SEL1L3: variants seen among roughly 807,000 people sequenced by gnomAD.
The protein encoded by SEL1L3 is SEL1L family member 3, also known as protein sel-1 homolog 3.
SEL1L3 carries 76 observed loss-of-function variants against 142.8 expected under a neutral mutation model. The observed-to-expected ratio is 0.53, with a 90% confidence interval of 0.44 to 0.64. SEL1L3 has a LOEUF of 0.64. SEL1L3 is among the 30% of genes least tolerant of loss of function. The probability of loss-of-function intolerance (pLI) is 0.00; values close to 1 mark genes in which losing one functional copy is unlikely to be tolerated. For missense variants in SEL1L3, 1,262 were observed against 1,381.7 expected (o/e 0.91, Z 1.37); for synonymous variants, 504 against 519.6 (o/e 0.97, Z 0.41).
intron 6 of SEL1L3, among the ~76,000 whole-genome samples, chr4:25,823,856 G>A (rs1360155628): frequency 6.6e-6 from 1 of 152,132 alleles, no homozygotes; most frequent in African/African-American, 2.4e-5. Context: ...AGGCAACCCA[G>A]GGTTATTTCA....
chr4:25,855,964 C>G (rs747281068), intron 1 of SEL1L3, among the ~76,000 whole-genome samples: 4 of 152,142 alleles, frequency 2.6e-5, no homozygotes, highest in Non-Finnish European at 5.9e-5. Context: ...GAGCCCTTAC[C>G]CTTTGGCACC....
intron 11 of SEL1L3, among the ~76,000 whole-genome samples, chr4:25,800,356 G>A (rs1395467709): frequency 2.6e-5 from 4 of 152,228 alleles, no homozygotes; most frequent in Non-Finnish European, 4.4e-5. Context: ...TCTTCTAACT[G>A]TATAATTCCT....
intron 17 of SEL1L3, among the ~76,000 whole-genome samples, chr4:25,769,715 G>A (rs550942694): frequency 3.9e-4 from 59 of 152,256 alleles, no homozygotes; most frequent in African/African-American, 1.3e-3. Context: ...TTTCCACCAG[G>A]GATTGATGAG....
chr4:25,821,755 A>G (rs1714775826), intron 7 of SEL1L3, among the ~76,000 whole-genome samples: 1 of 152,276 alleles, frequency 6.6e-6, no homozygotes. Context: ...TAATTAAACT[A>G]GTAGTTATTA....
At chr4:25,834,787 T>C (rs1715686077) in intron 3 of SEL1L3, among the ~76,000 whole-genome samples, 1 of 152,122 alleles carries the variant, frequency 6.6e-6, no homozygotes, top group African/African-American at 2.4e-5. Context: ...AAAATACATA[T>C]ATCTGGGTCT....
chr4:25,795,360 C>T (rs1383552056), intron 11 of SEL1L3, among the ~76,000 whole-genome samples: 1 of 152,110 alleles, frequency 6.6e-6, no homozygotes, highest in Non-Finnish European at 1.5e-5. Flanking sequence ...AGAACGTTAA[C>T]CCTATTGGTA....
intron 7 of SEL1L3, 54 bp from the exon 8 acceptor site, chr4:25,819,994 C>T: frequency 6.4e-7 from 1 of 1,552,190 alleles, no homozygotes. Context: ...AATATCCATC[C>T]ACCTCTAGGA....
chr4:25,745,564 G>GC (rs1717236220), downstream of SEL1L3, among the ~76,000 whole-genome samples: 3 of 152,206 alleles, frequency 2.0e-5, no homozygotes, highest in Admixed American at 2.0e-4. Flanking sequence ...TTCTCAAGGT[G>GC]AAGGGAGTGT....
chr4:25,734,119 G>C, the SEL1L3 span, among the ~76,000 whole-genome samples: 5 of 151,858 alleles, frequency 3.3e-5, no homozygotes, highest in African/African-American at 4.8e-5. Context: ...TACCTCCCAC[G>C]TTCAAGCCAT....
At chr4:25,724,439 G>A in the SEL1L3 span, among the ~76,000 whole-genome samples, 1 of 151,336 alleles carries the variant, frequency 6.6e-6, no homozygotes, top group African/African-American at 2.4e-5. Context: ...GAAAAGACAA[G>A]GTAAAAGAAA....
chr4:25,789,712 T>C (rs1232306142), intron 12 of SEL1L3, among the ~76,000 whole-genome samples: 5 of 152,052 alleles, frequency 3.3e-5, no homozygotes, highest in African/African-American at 1.2e-4. Context: ...CTCTTCCCGA[T>C]GTTGCTGCAC....
chr4:25,749,379 A>G (rs1350957431), intron 23 of SEL1L3, among the ~76,000 whole-genome samples: 1 of 152,248 alleles, frequency 6.6e-6, no homozygotes, highest in East Asian at 1.9e-4. Flanking sequence ...TTAAAAAAAA[A>G]AAGTGCCAAT....
At chr4:25,714,541 TTTCTTTC>T in the SEL1L3 span, among the ~76,000 whole-genome samples, 1 of 132,320 alleles carries the variant, frequency 7.6e-6, no homozygotes, top group South Asian at 2.4e-4. Context: ...TCTTTCTTTC[TTTCTTTC>T]TTTCTTCTTT....
chr4:25,817,947 G>C (rs1389224016), intron 9 of SEL1L3, among the ~76,000 whole-genome samples, 191 bp downstream of exon 9: 4 of 152,192 alleles, frequency 2.6e-5, no homozygotes, highest in African/African-American at 7.2e-5. Context: ...TTTGCATTTA[G>C]TGTTGGAAGT....
chr4:25,744,346 G>GTTTTTTTTTTTT (rs1560268280), downstream of SEL1L3, among the ~76,000 whole-genome samples: 1 of 66,836 alleles, frequency 1.5e-5, no homozygotes, highest in Non-Finnish European at 3.5e-5. Flanking sequence ...ATATGTGTGA[G>GTTTTTTTTTTTT]TCTTTTTTTT....
intron 23 of SEL1L3, among the ~76,000 whole-genome samples, chr4:25,752,820 C>A (rs1213511788): frequency 2.6e-5 from 4 of 152,200 alleles, no homozygotes; most frequent in Non-Finnish European, 5.9e-5. Flanking sequence ...GGGGTTTCAC[C>A]ATGTTGGTCA....
chr4:25,731,018 G>T, the SEL1L3 span, among the ~76,000 whole-genome samples: 1 of 152,144 alleles, frequency 6.6e-6, no homozygotes, highest in Admixed American at 6.5e-5. Flanking sequence ...GCAACAGAGC[G>T]AGACTCTGTC....
At position 25,808,318 on chromosome 4, in the gene SEL1L3, C is replaced by T. The variant is rs74807321; in HGVS notation, c.1565-3566G>A. ...TAAGGAACAAAAGCCACCACCACCA[C>T]TAATTACCCCTTACTATTTTCCATG... On this transcript the variant is annotated intron_variant, in intron 9 of 23. Coordinates refer to ENST00000399878, the MANE Select transcript of SEL1L3 (RefSeq NM_015187.5). Among the ~76,000 whole-genome samples the T allele has an allele frequency of 4.5e-3, 682 of 152,332 alleles. 4 individuals are homozygous for T. The highest frequency in any genetic ancestry group is 0.016 in the African/African-American group (650 of 41,582).
At position 25,788,592 on chromosome 4, in the gene SEL1L3, G is replaced by A. The variant is rs865933784; in HGVS notation, c.2077-228C>T. Among the ~76,000 whole-genome samples, 562 of 148,730 alleles carry A rather than the reference G, an allele frequency of 3.8e-3. 10 individuals carry two copies. Among genetic ancestry groups the A allele is most frequent in the African/African-American group, 0.013 (536 of 40,864 alleles). On this transcript the variant is annotated intron_variant, in intron 12 of 23. Transcript: ENST00000399878. This position sits in a 1 kb window ranked among gnomAD's most constrained non-coding sequence, Gnocchi z 5.3. Reference sequence around the variant, plus strand: ...TTCGTGTGTGTGTGTGTGTGTGTGTGTGTGTGTGTGTGTGTGTGTGTGTGT... The same window carrying A: ...TTCGTGTGTGTGTGTGTGTGTGTGTATGTGTGTGTGTGTGTGTGTGTGTGT...
Sources: allele counts gnomAD v4.1 joint callset (sites outside exome capture counted in the v4.1 genomes callset), GRCh38; gene constraint gnomAD v4.1.1; non-coding constraint Gnocchi (gnomAD v3.1); transcripts MANE v1.5; gene names NCBI Gene and HGNC (gene_info 2026-07-23, HGNC 2026-07-21).